GRIK1: variants seen among roughly 807,000 people sequenced by gnomAD.
The protein encoded by GRIK1 is glutamate receptor ionotropic, kainate 1.
In GRIK1, 69 loss-of-function variants were observed where a neutral mutation model predicts 105.7. That is an observed-to-expected ratio of 0.65 (90% confidence interval 0.54 to 0.80). The LOEUF is 0.80. Ranked by LOEUF, GRIK1 falls within the 30% of genes least tolerant of loss-of-function variation. The pLI is 0.00. For missense variants in GRIK1, 1,109 were observed against 1,167.3 expected (o/e 0.95, Z 0.73); for synonymous variants, 438 against 431.3 (o/e 1.02, Z -0.19).
At chr21:29,851,034 A>T (rs1381119619) in intron 1 of GRIK1, among the ~76,000 whole-genome samples, 1 of 151,552 alleles carries the variant, frequency 6.6e-6, no homozygotes, top group South Asian at 2.1e-4. Context: ...GTCTGTGAAA[A>T]TGAATCAACT....
intron 8 of GRIK1, chr21:29,596,829 G>A (rs2061423485): frequency 1.6e-5 from 8 of 493,456 alleles, no homozygotes; most frequent in Middle Eastern, 5.8e-4. Flanking sequence ...ATGCCTTAAA[G>A]TGCTTTTCAA....
intron 7 of GRIK1, among the ~76,000 whole-genome samples, chr21:29,640,206 C>G (rs2062484103): frequency 6.6e-6 from 1 of 150,768 alleles, no homozygotes; most frequent in South Asian, 2.1e-4. Context: ...GACCAAGTTC[C>G]TTATTTCATG....
chr21:29,611,984 C>A (rs1483020012), intron 7 of GRIK1, among the ~76,000 whole-genome samples: 1 of 152,182 alleles, frequency 6.6e-6, no homozygotes. Context: ...CTCTGGCTTC[C>A]AGGATCCTAT....
intron 1 of GRIK1, among the ~76,000 whole-genome samples, chr21:29,745,337 A>G (rs1254921393): frequency 6.6e-6 from 1 of 152,194 alleles, no homozygotes; most frequent in South Asian, 2.1e-4. Flanking sequence ...ACTCTTGTGT[A>G]TGATTGTAGC....
chr21:29,860,279 G>C (rs2068595310), intron 1 of GRIK1, among the ~76,000 whole-genome samples: 1 of 152,218 alleles, frequency 6.6e-6, no homozygotes, highest in Admixed American at 6.5e-5. Context: ...GCCCTGGGCA[G>C]AGTTACAGCC....
At chr21:29,652,281 C>G (rs139760340) in intron 5 of GRIK1, among the ~76,000 whole-genome samples, 41 of 152,270 alleles carry the variant, frequency 2.7e-4, no homozygotes, top group South Asian at 6.2e-4. Flanking sequence ...CCAGGTCTTG[C>G]CACAAAGTGA....
At chr21:29,813,200 T>C (rs952089361) in intron 1 of GRIK1, among the ~76,000 whole-genome samples, 1 of 152,184 alleles carries the variant, frequency 6.6e-6, no homozygotes, top group Non-Finnish European at 1.5e-5. Flanking sequence ...GTGGAATTGC[T>C]GATCTCACAA....
At chr21:29,648,636 C>T (rs918091425) in intron 6 of GRIK1, among the ~76,000 whole-genome samples, 7 of 152,224 alleles carry the variant, frequency 4.6e-5, no homozygotes, top group African/African-American at 1.7e-4. Context: ...TCATAAAAGA[C>T]ACTTTTATGA....
At position 29,624,634 on chromosome 21, in the gene GRIK1, G is replaced by A. The variant is rs140342687; in HGVS notation, c.1098+18192C>T. ...ATTTAAGTAAAAGCCAACAATGAAT[G>A]TTTTCCTCTGTTTCTCTGAGTGATT... On this transcript the variant is annotated intron_variant, in intron 7 of 17. Transcript: ENST00000327783. 8.2e-3 allele frequency among the ~76,000 whole-genome samples: 1,256 copies of A among 152,292 alleles called. 10 individuals are homozygous for A. Among genetic ancestry groups the A allele is most frequent in the African/African-American group, 0.029 (1,195 of 41,570 alleles).
intron 1 of GRIK1, among the ~76,000 whole-genome samples, chr21:29,853,388 G>A (rs1399268191): frequency 1.3e-5 from 2 of 152,200 alleles, no homozygotes; most frequent in African/African-American, 2.4e-5. Context: ...ATGTGACTAA[G>A]AACTAAGTGA....
intron 1 of GRIK1, among the ~76,000 whole-genome samples, chr21:29,765,425 C>A (rs2065634720): frequency 2.0e-5 from 3 of 152,082 alleles, no homozygotes; most frequent in Admixed American, 1.3e-4. Context: ...CTCCTTGCTA[C>A]CTTATACCCT....
chr21:29,581,621 A>C (rs1304892115), intron 12 of GRIK1, 78 bp from the exon 13 acceptor site: 45 of 773,924 alleles, frequency 5.8e-5, no homozygotes, highest in Non-Finnish European at 8.9e-5. Context: ...CCTGCTGAGC[A>C]ATGCAGAAAA....
intron 16 of GRIK1, among the ~76,000 whole-genome samples, chr21:29,548,554 A>G (rs917124026): frequency 2.2e-5 from 2 of 89,358 alleles, no homozygotes; most frequent in Non-Finnish European, 5.8e-5. Context: ...ATGTTCAGAA[A>G]ATAGTCTAAT....
At chr21:29,795,400 T>C (rs1307760112) in intron 1 of GRIK1, among the ~76,000 whole-genome samples, 5 of 152,152 alleles carry the variant, frequency 3.3e-5, no homozygotes, top group Admixed American at 2.6e-4. Flanking sequence ...TTACACCAGT[T>C]CACACCATGT....
At chr21:29,784,368 A>G (rs954907737) in intron 1 of GRIK1, among the ~76,000 whole-genome samples, 1 of 152,320 alleles carries the variant, frequency 6.6e-6, no homozygotes, top group Non-Finnish European at 1.5e-5. Context: ...TTTCTGACAG[A>G]TAATAATATT....
chr21:29,625,435 C>A (rs149936516), intron 7 of GRIK1, among the ~76,000 whole-genome samples: 1 of 152,174 alleles, frequency 6.6e-6, no homozygotes, highest in East Asian at 1.9e-4. Flanking sequence ...CTGCTGATAC[C>A]ATTTAACCTC....
chr21:29,677,903 AAC>A (rs1373657379), intron 3 of GRIK1, among the ~76,000 whole-genome samples: 1 of 152,206 alleles, frequency 6.6e-6, no homozygotes, highest in African/African-American at 2.4e-5. Flanking sequence ...GCCACTGCTG[AAC>A]ACCTCTCAGT....
chr21:29,631,650 A>T (rs2062275018), intron 7 of GRIK1, among the ~76,000 whole-genome samples: 1 of 152,242 alleles, frequency 6.6e-6, no homozygotes, highest in South Asian at 2.1e-4. Context: ...CAGAACTGAG[A>T]TGTACCATAA....
intron 1 of GRIK1, among the ~76,000 whole-genome samples, chr21:29,829,623 C>T (rs905545717): frequency 3.3e-5 from 5 of 152,122 alleles, no homozygotes; most frequent in African/African-American, 7.2e-5. Context: ...TTCTGCCACC[C>T]GAGCAGAAAC....
Sources: allele counts gnomAD v4.1 joint callset (sites outside exome capture counted in the v4.1 genomes callset), GRCh38; gene constraint gnomAD v4.1.1; transcripts MANE v1.5; gene names NCBI Gene and HGNC (gene_info 2026-07-23, HGNC 2026-07-21).